The following SHANK2 variants were observed in gnomAD, a reference collection of about 807,000 sequenced individuals.
The protein encoded by SHANK2 is SH3 and multiple ankyrin repeat domains 2, also known as SH3 and multiple ankyrin repeat domains protein 2.
In SHANK2, 43 loss-of-function variants were observed where a neutral mutation model predicts 133.7. The observed-to-expected ratio is 0.32, with a 90% CI of 0.25 to 0.41. The LOEUF (loss-of-function observed/expected upper bound fraction) is 0.41. Ranked by LOEUF, SHANK2 falls within the 10% of genes least tolerant of loss-of-function variation. SHANK2 has a pLI of 1.00. For missense variants in SHANK2, 1,994 were observed against 2,235.8 expected (o/e 0.89, Z 2.18); for synonymous variants, 1,017 against 952.8 (o/e 1.07, Z -1.24).
intron 1 of SHANK2, among the ~76,000 whole-genome samples, chr11:71,240,175 C>T (rs536373647): frequency 6.6e-6 from 1 of 152,282 alleles, no homozygotes; most frequent in East Asian, 1.9e-4. Context: ...TTCTCGGATC[C>T]AGCATAAAAC....
At chr11:70,570,199 G>T (rs893353742) in intron 17 of SHANK2, among the ~76,000 whole-genome samples, 1 of 152,156 alleles carries the variant, frequency 6.6e-6, no homozygotes, top group Admixed American at 6.5e-5. Context: ...TTTGGCTGGC[G>T]GCCACGCCGA....
At chr11:71,252,973 G>A (rs191248007), upstream of SHANK2, among the ~76,000 whole-genome samples, 966 of 152,362 alleles carry the variant, frequency 6.3e-3, 8 homozygotes, top group African/African-American at 0.022. This position sits in a 1 kb window ranked among gnomAD's most constrained non-coding sequence, Gnocchi z 6.3. Context: ...ATAATAATAG[G>A]ATTTGGAAAT....
chr11:70,771,909 T>C (rs980985088), intron 14 of SHANK2, among the ~76,000 whole-genome samples: 9 of 152,166 alleles, frequency 5.9e-5, no homozygotes, highest in Non-Finnish European at 1.5e-5. Context: ...CTACTGGGCC[T>C]GGGGGTTTTC....
intron 17 of SHANK2, among the ~76,000 whole-genome samples, chr11:70,658,643 T>A (rs2061441862): frequency 6.6e-6 from 1 of 152,236 alleles, no homozygotes. Flanking sequence ...CTTCTGACTT[T>A]CCATTGCCCC....
intron 11 of SHANK2, among the ~76,000 whole-genome samples, chr11:70,890,797 C>CA (rs11388360): frequency 0.76 from 95,393 of 125,130 alleles, 38,198 homozygotes; most frequent in Non-Finnish European, 0.89. Flanking sequence ...GAAACTGTCT[C>CA]AAAAAAAAAA....
At chr11:71,096,691 C>T (rs988232412) in intron 6 of SHANK2, among the ~76,000 whole-genome samples, 1 of 152,176 alleles carries the variant, frequency 6.6e-6, no homozygotes, top group African/African-American at 2.4e-5. Flanking sequence ...GACACTCGTT[C>T]GGGGCAAGGT....
At chr11:70,858,790 C>A (rs2135493192) in intron 11 of SHANK2, among the ~76,000 whole-genome samples, 1 of 152,342 alleles carries the variant, frequency 6.6e-6, no homozygotes, top group African/African-American at 2.4e-5. Flanking sequence ...TATGCACCTC[C>A]CACTCACACC....
chr11:71,167,939 C>T (rs543919990), intron 2 of SHANK2, among the ~76,000 whole-genome samples: 1 of 147,202 alleles, frequency 6.8e-6, no homozygotes, highest in African/African-American at 2.6e-5. Flanking sequence ...CCCCTACCTC[C>T]CTGCCGGACG....
intron 17 of SHANK2, among the ~76,000 whole-genome samples, chr11:70,645,129 T>G (rs1419753929): frequency 1.3e-5 from 2 of 152,134 alleles, no homozygotes; most frequent in Non-Finnish European, 2.9e-5. Flanking sequence ...GAGAATCGCT[T>G]GAACCTGGGA....
chr11:70,933,280 T>G (rs1555082839), intron 10 of SHANK2: 1 of 455,170 alleles, frequency 2.2e-6, no homozygotes, highest in South Asian at 1.6e-5. Context: ...AGATGAATAC[T>G]GTAGGATTAA....
At chr11:71,088,026 G>A (rs944459900) in intron 8 of SHANK2, among the ~76,000 whole-genome samples, 2 of 152,116 alleles carry the variant, frequency 1.3e-5, no homozygotes, top group South Asian at 2.1e-4. Flanking sequence ...TTCCTTGGGC[G>A]CTCCTGTCTT....
intron 14 of SHANK2, among the ~76,000 whole-genome samples, chr11:70,759,063 A>C (rs573033138): frequency 6.6e-6 from 1 of 152,012 alleles, no homozygotes; most frequent in Non-Finnish European, 1.5e-5. Flanking sequence ...GGAGGCCAAG[A>C]CAGAGAACTG....
At chr11:70,544,701 G>C (rs1417728180) in intron 17 of SHANK2, among the ~76,000 whole-genome samples, 2 of 152,206 alleles carry the variant, frequency 1.3e-5, no homozygotes, top group African/African-American at 2.4e-5. Flanking sequence ...TCTTTCATCC[G>C]GTAGGCGACA....
intron 17 of SHANK2, among the ~76,000 whole-genome samples, chr11:70,590,720 C>T (rs1459311859): frequency 2.6e-5 from 4 of 151,884 alleles, no homozygotes; most frequent in Non-Finnish European, 5.9e-5. Flanking sequence ...TGCTATTGCA[C>T]ACTTAACAGA....
chr11:70,473,240 A>T lies in SHANK2; in HGVS notation c.5179T>A (p.Ser1727Thr). Residue 1727 changes from serine to threonine, a missense_variant, in exon 26 of 26, where the codon TCT (serine) becomes ACT (threonine). Transcript: ENST00000601538. This position sits in a 1 kb window ranked among gnomAD's most constrained non-coding sequence, Gnocchi z 5.9. ...GGAGAAGGAGAGGCGGTGGCAGCAG[A>T]CAGGGGGGCGGGCAGGGTCTCTTTG... ...MNKETLPAPL[S>T]AATASPSPAL... 1.2e-6 allele frequency: 2 copies of T among 1,610,388 alleles called. No homozygotes were observed. Among genetic ancestry groups the T allele is most frequent in the Non-Finnish European group, 1.7e-6 (2 of 1,176,946 alleles).
chr11:70,635,358 T>G (rs1181894094), intron 17 of SHANK2: 1 of 152,066 alleles, frequency 6.6e-6, no homozygotes, highest in African/African-American at 2.4e-5. Context: ...TTCCGTAGAG[T>G]TGGGATAGTT....
chr11:70,491,221 T>C (rs1436740153), intron 22 of SHANK2, among the ~76,000 whole-genome samples: 1 of 152,256 alleles, frequency 6.6e-6, no homozygotes, highest in African/African-American at 2.4e-5. Context: ...TGCAAGCTTT[T>C]ATTGCTCCAG....
chr11:70,874,161 AATCT>A (rs1179209430), intron 11 of SHANK2, among the ~76,000 whole-genome samples: 7 of 151,892 alleles, frequency 4.6e-5, no homozygotes, highest in Non-Finnish European at 8.8e-5. Context: ...ATATCTATCT[AATCT>A]ATCTACCTAC....
intron 17 of SHANK2, among the ~76,000 whole-genome samples, chr11:70,656,521 A>T (rs1591712253): frequency 6.6e-6 from 1 of 151,874 alleles, no homozygotes; most frequent in African/African-American, 2.4e-5. Flanking sequence ...GGCCTCTGAA[A>T]TCTCTTTGGC....
Sources: allele counts gnomAD v4.1 joint callset (sites outside exome capture counted in the v4.1 genomes callset), GRCh38; gene constraint gnomAD v4.1.1; non-coding constraint Gnocchi (gnomAD v3.1); transcripts MANE v1.5; gene names NCBI Gene and HGNC (gene_info 2026-07-23, HGNC 2026-07-21).